Variants in TRHDE observed in about 807,000 individuals in gnomAD.
TRHDE encodes thyrotropin releasing hormone degrading enzyme.
A neutral mutation model predicts 125.7 loss-of-function variants in TRHDE; 72 were observed. The observed-to-expected ratio is 0.57, with a 90% CI of 0.47 to 0.70. TRHDE has a LOEUF of 0.70. TRHDE is among the 30% of genes least tolerant of loss of function. The pLI is 0.00. For synonymous variants in TRHDE, 509 were observed against 509.1 expected (o/e 1.00, Z 0.00); for missense variants, 1,110 against 1,327.1 (o/e 0.84, Z 2.54).
At chr12:72,609,572 G>A (rs1231576578) in intron 12 of TRHDE, among the ~76,000 whole-genome samples, 1 of 152,012 alleles carries the variant, frequency 6.6e-6, no homozygotes, top group African/African-American at 2.4e-5. Context: ...AATAAGCATA[G>A]TACCCAATAG....
chr12:72,566,212 TG>T (rs1870434036), intron 9 of TRHDE, among the ~76,000 whole-genome samples: 1 of 152,086 alleles, frequency 6.6e-6, no homozygotes, highest in African/African-American at 2.4e-5. Flanking sequence ...CTTGGTAACT[TG>T]GAACTTTTAA....
intron 1 of TRHDE, among the ~76,000 whole-genome samples, chr12:72,285,204 T>G (rs1879836098): frequency 6.6e-6 from 1 of 152,156 alleles, no homozygotes; most frequent in Non-Finnish European, 1.5e-5. Flanking sequence ...CATGTCAACC[T>G]GTATTGATTG....
At chr12:72,310,171 A>G (rs1868474579) in intron 2 of TRHDE, among the ~76,000 whole-genome samples, 1 of 152,208 alleles carries the variant, frequency 6.6e-6, no homozygotes, top group Admixed American at 6.5e-5. Context: ...ATCTTGTACA[A>G]GTTACATAAC....
chr12:72,435,099 ATTG>A (rs1874679530), intron 3 of TRHDE, among the ~76,000 whole-genome samples: 1 of 152,170 alleles, frequency 6.6e-6, no homozygotes, highest in African/African-American at 2.4e-5. Context: ...TATGTTTGTC[ATTG>A]TTGTCAGATC....
rs1872518780 is a variant in TRHDE at position 72,388,525 on chromosome 12, C to T, written c.1315+10404C>T. ...TTAAATGAATAATACCTAACTTCTT[C>T]CTGTTGTAATCATTTTCACAACACA... On this transcript the variant is annotated intron_variant, in intron 3 of 18. Transcript: ENST00000261180. 2.6e-5 allele frequency among the ~76,000 whole-genome samples: 4 copies of T among 152,268 alleles called. No homozygotes were observed. The South Asian group carries it at 8.3e-4, about 32-fold the overall frequency.
intron 2 of TRHDE, among the ~76,000 whole-genome samples, chr12:72,347,912 G>C (rs913837963): frequency 2.6e-5 from 4 of 152,072 alleles, no homozygotes; most frequent in South Asian, 4.2e-4. Context: ...CACTCAAAAG[G>C]AGAGGATTAC....
chr12:72,659,821 CA>C (rs1209979800), intron 18 of TRHDE, among the ~76,000 whole-genome samples: 2 of 151,938 alleles, frequency 1.3e-5, no homozygotes, highest in African/African-American at 4.8e-5. Flanking sequence ...CAATTTAAAA[CA>C]AAAACAAAAA....
intron 2 of TRHDE, among the ~76,000 whole-genome samples, chr12:72,197,207 T>C (rs573461839): frequency 6.6e-6 from 1 of 152,232 alleles, no homozygotes; most frequent in Admixed American, 6.5e-5. Context: ...TTCTTATACA[T>C]GCTCATGGCG....
At chr12:72,510,650 C>A (rs1416548286) in intron 6 of TRHDE, among the ~76,000 whole-genome samples, 6 of 151,684 alleles carry the variant, frequency 4.0e-5, no homozygotes, top group African/African-American at 1.5e-4. Context: ...GGTTTTCATT[C>A]CATGAATGAA....
intron 3 of TRHDE, among the ~76,000 whole-genome samples, chr12:72,403,107 C>G (rs1873115449): frequency 1.3e-5 from 2 of 152,196 alleles, no homozygotes; most frequent in African/African-American, 4.8e-5. Flanking sequence ...CCCCAACACA[C>G]TCGCATACAT....
chr12:72,340,565 G>A (rs1320375270), intron 2 of TRHDE, among the ~76,000 whole-genome samples: 1 of 152,108 alleles, frequency 6.6e-6, no homozygotes, highest in Non-Finnish European at 1.5e-5. Flanking sequence ...TGATGCTGCT[G>A]TAGTGCTTCA....
intron 3 of TRHDE, among the ~76,000 whole-genome samples, chr12:72,468,481 G>C (rs376092087): frequency 6.6e-5 from 10 of 152,166 alleles, no homozygotes; most frequent in African/African-American, 2.4e-4. Flanking sequence ...TGCATCGTAG[G>C]GAGTTAACCC....
At chr12:72,308,808 A>C (rs1015669781) in intron 2 of TRHDE, among the ~76,000 whole-genome samples, 3 of 152,170 alleles carry the variant, frequency 2.0e-5, no homozygotes, top group African/African-American at 7.2e-5. Flanking sequence ...AAGTTATACC[A>C]TGAAGAAACT....
intron 2 of TRHDE, among the ~76,000 whole-genome samples, chr12:72,310,696 G>A (rs1051789634): frequency 4.6e-5 from 7 of 151,878 alleles, no homozygotes; most frequent in African/African-American, 9.7e-5. Context: ...AAATATTGGC[G>A]AGAAGGCAGC....
rs561553121 is a variant in TRHDE, at chr12:72,642,514, A to T, written c.2676-9808A>T. Among the ~76,000 whole-genome samples the T allele has an allele frequency of 2.6e-5, 4 of 152,286 alleles. No homozygotes were observed. In the South Asian group the frequency reaches 8.3e-4, roughly 32 times the overall value. On this transcript the variant is annotated intron_variant, in intron 15 of 18. Coordinates refer to ENST00000261180, the MANE Select transcript of TRHDE (RefSeq NM_013381.3). ...ATAATTTCTGTAATGTCAGTATCCT[A>T]AAAAAGATGAAGGTATTTTATTTTG...
intron 2 of TRHDE, among the ~76,000 whole-genome samples, chr12:72,156,107 C>T (rs1407244907): frequency 4.6e-5 from 7 of 152,308 alleles, no homozygotes; most frequent in East Asian, 1.9e-4. Context: ...GGCGCCCCTC[C>T]CCCAGCCTTG....
At chr12:72,194,089 A>G (rs746994312) in intron 2 of TRHDE, among the ~76,000 whole-genome samples, 2 of 152,094 alleles carry the variant, frequency 1.3e-5, no homozygotes, top group Non-Finnish European at 1.5e-5. Context: ...ACAGAACATA[A>G]TAACTTTTGG....
At chr12:72,140,027 A>G (rs1321104936) in intron 2 of TRHDE, 1 of 152,184 alleles carries the variant, frequency 6.6e-6, no homozygotes, top group Non-Finnish European at 1.5e-5. Context: ...TTAGCTCAAA[A>G]TGTATTTCTT....
chr12:72,446,057 G>C (rs1875262549), intron 3 of TRHDE, among the ~76,000 whole-genome samples: 2 of 151,394 alleles, frequency 1.3e-5, no homozygotes, highest in South Asian at 4.1e-4. Flanking sequence ...CTAGACCAGT[G>C]CTTCTCAAAT....
Sources: allele counts gnomAD v4.1 joint callset (sites outside exome capture counted in the v4.1 genomes callset), GRCh38; gene constraint gnomAD v4.1.1; transcripts MANE v1.5; gene names NCBI Gene and HGNC (gene_info 2026-07-23, HGNC 2026-07-21).